Variants in OPCML observed in about 807,000 individuals in gnomAD.
The protein encoded by OPCML is opioid-binding protein/cell adhesion molecule.
OPCML carries 13 observed loss-of-function variants against 37.8 expected under a neutral mutation model. The observed-to-expected ratio is 0.34, with a 90% confidence interval of 0.22 to 0.55. The LOEUF (loss-of-function observed/expected upper bound fraction) is 0.55, where lower values mean the gene tolerates loss of function less well. Ranked by LOEUF, OPCML falls within the 20% of genes least tolerant of loss-of-function variation. OPCML has a pLI of 0.91. For synonymous variants in OPCML, 176 were observed against 168.8 expected, an observed-to-expected ratio of 1.04 and a Z score of -0.33; for missense variants, 341 against 435.6, an observed-to-expected ratio of 0.78 and a Z score of 1.93.
Position 132,657,214 on chromosome 11 carries a change from C to G in OPCML, c.252G>C (p.Leu84=), listed in dbSNP as rs1200002620. The G allele has an allele frequency of 1.9e-6, 3 of 1,614,182 alleles. No individual in the cohort carries two copies. Among genetic ancestry groups the G allele is most frequent in the African/African-American group, 2.7e-5 (2 of 75,036 alleles). ...KWSIDPRVII[L]VNTPTQYSIM... ...TGCTGTACTGGGTTGGTGTATTGACCAGGATGATCACACGAGGGTCTATGG... is the reference window on the plus strand; with the variant it reads ...TGCTGTACTGGGTTGGTGTATTGACGAGGATGATCACACGAGGGTCTATGG... The change falls in exon 3 of 8, where the codon CTG becomes CTC. Residue 84 remains leucine (L), a synonymous_variant. Coordinates refer to ENST00000524381, the MANE Select transcript of OPCML (RefSeq NM_001012393.5).
At chr11:133,516,500 A>G (rs1317467285) in intron 1 of OPCML, among the ~76,000 whole-genome samples, 1 of 151,936 alleles carries the variant, frequency 6.6e-6, no homozygotes. Context: ...AGAGGCATCC[A>G]CTCCCAGTTT....
At chr11:132,603,608 A>T (rs983223791) in intron 3 of OPCML, among the ~76,000 whole-genome samples, 1 of 152,140 alleles carries the variant, frequency 6.6e-6, no homozygotes, top group Non-Finnish European at 1.5e-5. Flanking sequence ...ATATAATCTG[A>T]ACTGTATAAT....
intron 2 of OPCML, among the ~76,000 whole-genome samples, chr11:132,814,117 A>G (rs1281841726): frequency 6.6e-6 from 1 of 152,238 alleles, no homozygotes; most frequent in African/African-American, 2.4e-5. Context: ...CCAAGTTCAC[A>G]GGTTTCTTTG....
chr11:133,146,452 T>A (rs1949898482), intron 1 of OPCML, among the ~76,000 whole-genome samples: 1 of 151,946 alleles, frequency 6.6e-6, no homozygotes, highest in South Asian at 2.1e-4. Flanking sequence ...GTAGCTGGGA[T>A]TACAGGCACC....
chr11:132,430,040 C>T (rs574212691), intron 7 of OPCML, among the ~76,000 whole-genome samples: 4 of 152,082 alleles, frequency 2.6e-5, no homozygotes, highest in South Asian at 2.1e-4. Flanking sequence ...GAGACGAGGT[C>T]GGGTGTTAGA....
chr11:133,436,676 G>C (rs1242726938), intron 1 of OPCML, among the ~76,000 whole-genome samples: 1 of 152,120 alleles, frequency 6.6e-6, no homozygotes, highest in Admixed American at 6.6e-5. Context: ...CGGGTTTAGG[G>C]CCCAGTTCCA....
intron 7 of OPCML, among the ~76,000 whole-genome samples, 165 bp downstream of exon 7, chr11:132,435,921 A>G (rs752125507): frequency 6.6e-6 from 1 of 152,184 alleles, no homozygotes; most frequent in Non-Finnish European, 1.5e-5. Context: ...CTATCTCTGC[A>G]TGGCATGCTA....
intron 7 of OPCML, chr11:132,435,193 A>T: frequency 7.8e-7 from 1 of 1,289,896 alleles, no homozygotes; most frequent in Non-Finnish European, 1.0e-6. Context: ...TTTCTAAGAC[A>T]CACACAGCAC....
At chr11:132,998,270 T>C (rs1243305366) in intron 1 of OPCML, among the ~76,000 whole-genome samples, 1 of 152,160 alleles carries the variant, frequency 6.6e-6, no homozygotes, top group African/African-American at 2.4e-5. Flanking sequence ...GTTTGCTGAA[T>C]CTAGCTGAGT....
chr11:132,817,122 T>A (rs1591648835), intron 2 of OPCML: 1 of 152,412 alleles, frequency 6.6e-6, no homozygotes, highest in Non-Finnish European at 1.5e-5. Context: ...TGCCAAATGG[T>A]AATTTTCTCT....
At chr11:133,154,583 TA>T (rs201369940) in intron 1 of OPCML, among the ~76,000 whole-genome samples, 19 of 147,232 alleles carry the variant, frequency 1.3e-4, no homozygotes, top group African/African-American at 3.8e-4. Flanking sequence ...AGAATAGAAG[TA>T]AAAAAAAACA....
At chr11:132,757,727 T>A (rs1591565393) in intron 2 of OPCML, among the ~76,000 whole-genome samples, 1 of 152,278 alleles carries the variant, frequency 6.6e-6, no homozygotes, top group East Asian at 1.9e-4. Context: ...ATTGCAAAAA[T>A]TTTCTCCCAT....
chr11:133,000,813 C>T (rs911412828), intron 1 of OPCML, among the ~76,000 whole-genome samples: 2 of 152,168 alleles, frequency 1.3e-5, no homozygotes, highest in African/African-American at 4.8e-5. Flanking sequence ...GAGGTGGGGC[C>T]TGGTGGGAGG....
intron 1 of OPCML, among the ~76,000 whole-genome samples, chr11:133,236,102 G>A (rs1263030248): frequency 6.6e-6 from 1 of 152,106 alleles, no homozygotes; most frequent in Non-Finnish European, 1.5e-5. Flanking sequence ...TATTAAAATA[G>A]AACAATGATG....
intron 4 of OPCML, among the ~76,000 whole-genome samples, chr11:132,482,173 C>G (rs968793434): frequency 9.4e-5 from 14 of 149,472 alleles, no homozygotes; most frequent in Admixed American, 8.0e-4. Flanking sequence ...AGACTGCTAG[C>G]AAGACTAATA....
intron 1 of OPCML, among the ~76,000 whole-genome samples, chr11:133,015,104 C>T (rs1212585268): frequency 6.6e-6 from 1 of 151,986 alleles, no homozygotes; most frequent in Non-Finnish European, 1.5e-5. Context: ...AGAAAAGAAA[C>T]CTAAACAATA....
intron 1 of OPCML, among the ~76,000 whole-genome samples, chr11:133,348,673 T>C (rs1944057118): frequency 6.6e-6 from 1 of 152,210 alleles, no homozygotes; most frequent in Non-Finnish European, 1.5e-5. Flanking sequence ...GAAAATGCTA[T>C]GCTAGAAGGT....
intron 1 of OPCML, among the ~76,000 whole-genome samples, chr11:133,489,141 A>G (rs147023395): frequency 6.6e-6 from 1 of 152,080 alleles, no homozygotes; most frequent in African/African-American, 2.4e-5. Context: ...AAAGCCTAAG[A>G]AAAACTTTTC....
chr11:133,056,435 G>C (rs1416793616), intron 1 of OPCML, among the ~76,000 whole-genome samples: 2 of 152,194 alleles, frequency 1.3e-5, no homozygotes, highest in African/African-American at 2.4e-5. Context: ...CCCAGATTCA[G>C]TAAATCTCTA....
Sources: allele counts gnomAD v4.1 joint callset (sites outside exome capture counted in the v4.1 genomes callset), GRCh38; gene constraint gnomAD v4.1.1; transcripts MANE v1.5; gene names NCBI Gene and HGNC (gene_info 2026-07-23, HGNC 2026-07-21).